The following DISC1 variants were observed in gnomAD, a reference collection of about 807,000 sequenced individuals.
DISC1 encodes disrupted in schizophrenia 1 protein.
A neutral mutation model predicts 84.5 loss-of-function variants in DISC1; 57 were observed. The ratio of observed to expected loss-of-function variants is 0.67; its 90% CI spans 0.55 to 0.84. The LOEUF (loss-of-function observed/expected upper bound fraction) is 0.84, where lower values mean the gene tolerates loss of function less well. Among genes scored for constraint, DISC1 ranks in the 40% least tolerant of loss-of-function variants. The pLI is 0.00. For missense variants in DISC1, 1,000 were observed against 1,057.8 expected (o/e 0.95, Z 0.76); for synonymous variants, 411 against 415.2 (o/e 0.99, Z 0.12).
chr1:231,963,890 C>T (rs764403201), intron 10 of DISC1, among the ~76,000 whole-genome samples: 7 of 152,080 alleles, frequency 4.6e-5, no homozygotes, highest in Non-Finnish European at 8.8e-5. Context: ...CTGGGGGCTG[C>T]ATGCACTGGT....
intron 6 of DISC1, among the ~76,000 whole-genome samples, chr1:231,790,675 C>T (rs1049597365): frequency 3.3e-5 from 5 of 152,024 alleles, no homozygotes; most frequent in South Asian, 4.1e-4. Flanking sequence ...CCTGCCACCA[C>T]GCTCGGCTAA....
In DISC1 at chr1:231,859,563, T is replaced by G. The variant is rs959451570; in HGVS notation, c.1981+41046T>G. ...CCAAAACCCCTACATCTTAATACCATCACTTTGGGGTTAGGATTTTAACAA... is the reference window on the plus strand; with the variant it reads ...CCAAAACCCCTACATCTTAATACCAGCACTTTGGGGTTAGGATTTTAACAA... On this transcript the variant is annotated intron_variant, in intron 9 of 12. Transcript: ENST00000439617. Among the ~76,000 whole-genome samples the G allele has an allele frequency of 1.9e-4, 5 of 25,900 alleles. No individual in the cohort carries two copies. The Admixed American group carries it at 2.5e-3, about 13-fold the overall frequency. The allele number at this position is 25,900 out of a possible 152,430, so 17.0% of individuals were successfully genotyped here.
At chr1:231,671,426 A>G (rs1411878138) in intron 1 of DISC1, among the ~76,000 whole-genome samples, 1 of 152,012 alleles carries the variant, frequency 6.6e-6, no homozygotes, top group Non-Finnish European at 1.5e-5. Flanking sequence ...GAATGAACTG[A>G]GCAGAACACC....
intron 6 of DISC1, among the ~76,000 whole-genome samples, chr1:231,778,062 A>G (rs2077091905): frequency 6.6e-6 from 1 of 152,142 alleles, no homozygotes; most frequent in Non-Finnish European, 1.5e-5. Flanking sequence ...GGGCCCAAGG[A>G]AAAGAGAATG....
intron 11 of DISC1, among the ~76,000 whole-genome samples, chr1:232,011,886 A>G (rs148317111): frequency 6.6e-6 from 1 of 152,342 alleles, no homozygotes; most frequent in African/African-American, 2.4e-5. Flanking sequence ...TGCTGGAAAG[A>G]GCACAAGGCT....
At position 231,944,219 on chromosome 1, in the gene DISC1, C is replaced by A. The variant is rs35986935; in HGVS notation, c.1982-14609C>A. ...CTTGCAGATTTGTGCACAGACACTC[C>A]AGCATGTGTGTCTGAGTTTTGTCTA... On this transcript the variant is annotated intron_variant, in intron 9 of 12. Coordinates refer to ENST00000439617, the MANE Select transcript of DISC1 (RefSeq NM_018662.3). Among the ~76,000 whole-genome samples the A allele has an allele frequency of 9.4e-3, 1,434 of 152,302 alleles. 12 individuals carry two copies. Among genetic ancestry groups the A allele is most frequent in the Non-Finnish European group, 0.014 (930 of 68,022 alleles).
chr1:231,807,727 A>G (rs1197163651), intron 8 of DISC1, among the ~76,000 whole-genome samples: 4 of 152,226 alleles, frequency 2.6e-5, no homozygotes, highest in African/African-American at 7.2e-5. Context: ...CCTGGGTGAC[A>G]GCCTCACTGT....
intron 3 of DISC1, among the ~76,000 whole-genome samples, chr1:231,728,900 T>A (rs1221436408): frequency 6.6e-6 from 1 of 152,232 alleles, no homozygotes; most frequent in Non-Finnish European, 1.5e-5. Context: ...CGTGCAGGTT[T>A]GTTACATATG....
intron 6 of DISC1, chr1:231,774,537 T>A (rs1257561557): frequency 5.6e-6 from 2 of 359,438 alleles, no homozygotes; most frequent in Non-Finnish European, 1.1e-5. Flanking sequence ...GGCATCAGTC[T>A]AATTTACTTT....
intron 10 of DISC1, among the ~76,000 whole-genome samples, chr1:231,979,368 A>G (rs1663275742): frequency 6.6e-6 from 1 of 152,066 alleles, no homozygotes; most frequent in Admixed American, 6.5e-5. Context: ...ACCAGTCCCC[A>G]GTGCCAAAAA....
chr1:231,638,578 A>G (rs567578636), intron 1 of DISC1, among the ~76,000 whole-genome samples: 16 of 152,274 alleles, frequency 1.1e-4, no homozygotes, highest in African/African-American at 3.9e-4. Flanking sequence ...CAATTTCCCC[A>G]GTATCATTTA....
Position 231,649,448 on chromosome 1 carries a change from A to C in DISC1, c.67+22514A>C, listed in dbSNP as rs113024797. Among the ~76,000 whole-genome samples the C allele has an allele frequency of 1.5e-3, 224 of 152,224 alleles. 4 individuals carry two copies. The highest frequency in any genetic ancestry group is 5.1e-3 in the African/African-American group (211 of 41,524). On this transcript the variant is annotated intron_variant, in intron 1 of 12. Coordinates refer to ENST00000439617, the MANE Select transcript of DISC1 (RefSeq NM_018662.3). Reference sequence around the variant, plus strand: ...AGTTTGTTATGATTTCTGTTCTTTTACATTTTCTGAGGAGTGCTTTACTTC... The same window carrying C: ...AGTTTGTTATGATTTCTGTTCTTTTCCATTTTCTGAGGAGTGCTTTACTTC...
intron 1 of DISC1, among the ~76,000 whole-genome samples, chr1:231,642,802 T>C (rs2059832571): frequency 6.6e-6 from 1 of 152,198 alleles, no homozygotes; most frequent in Admixed American, 6.5e-5. Context: ...ATTCTAACCT[T>C]GAAAGAAGTT....
At chr1:231,777,566 A>C (rs2077048029) in intron 6 of DISC1, among the ~76,000 whole-genome samples, 1 of 152,108 alleles carries the variant, frequency 6.6e-6, no homozygotes, top group African/African-American at 2.4e-5. Context: ...GGAATTCATG[A>C]GGCAGAAAAA....
At chr1:231,678,747 C>T (rs1311517904) in intron 1 of DISC1, among the ~76,000 whole-genome samples, 1 of 152,160 alleles carries the variant, frequency 6.6e-6, no homozygotes, top group East Asian at 1.9e-4. Context: ...CTCACTGCAA[C>T]TTCCGCCTCC....
rs375478513 is a variant in DISC1, at chr1:231,953,199, C to T, written c.1982-5629C>T. Among the ~76,000 whole-genome samples the T allele has an allele frequency of 1.8e-4, 27 of 152,338 alleles. 1 individual carries two copies. The East Asian group carries it at 3.7e-3, about 21-fold the overall frequency. On this transcript the variant is annotated intron_variant, in intron 9 of 12. Transcript: ENST00000439617. ...AGTAAAATGGTAGCTAAATTGATATCACGCGTGTCCCCACAGTGGGTCTCC... is the reference window on the plus strand; with the variant it reads ...AGTAAAATGGTAGCTAAATTGATATTACGCGTGTCCCCACAGTGGGTCTCC...
intron 9 of DISC1, among the ~76,000 whole-genome samples, chr1:231,928,452 T>G (rs2090471755): frequency 6.6e-6 from 1 of 152,224 alleles, no homozygotes; most frequent in African/African-American, 2.4e-5. Flanking sequence ...TCTTTTCTTC[T>G]TTATTAGTCT....
chr1:231,765,764 G>A (rs999660038), intron 4 of DISC1, among the ~76,000 whole-genome samples: 5 of 152,092 alleles, frequency 3.3e-5, no homozygotes, highest in Non-Finnish European at 5.9e-5. Flanking sequence ...TGTCAACTCC[G>A]GCAAGAATAA....
intron 1 of DISC1, among the ~76,000 whole-genome samples, chr1:231,677,573 C>G (rs778253330): frequency 6.6e-6 from 1 of 152,246 alleles, no homozygotes; most frequent in East Asian, 1.9e-4. Context: ...ATCCTTACGA[C>G]AGCCTTTCAG....
Sources: gnomAD v4.1 joint callset for allele counts (sites outside exome capture counted in the v4.1 genomes callset) on GRCh38, gnomAD v4.1.1 for gene constraint, MANE v1.5 for transcripts, NCBI Gene and HGNC (gene_info 2026-07-23, HGNC 2026-07-21) for gene names.